Variants in ALDH1L2 observed in about 807,000 individuals in gnomAD.
ALDH1L2 encodes aldehyde dehydrogenase 1 family member L2.
In ALDH1L2, 91 loss-of-function variants were observed where a neutral mutation model predicts 111.0. The observed-to-expected ratio is 0.82, with a 90% confidence interval of 0.69 to 0.98. ALDH1L2 has a LOEUF of 0.98. ALDH1L2 is among the 50% of genes least tolerant of loss of function. The pLI is 0.00. For synonymous variants in ALDH1L2, 374 were observed against 392.6 expected (o/e 0.95, Z 0.56); for missense variants, 995 against 1,126.8 (o/e 0.88, Z 1.67).
intron 17 of ALDH1L2, 57 bp from the exon 18 acceptor site, chr12:105,038,259 CTCACACACACACACACACAA>C (rs1419796089): frequency 1.5e-6 from 1 of 672,722 alleles, no homozygotes; most frequent in Non-Finnish European, 2.4e-6. Context: ...CTCTCTCTCT[CTCACACACACACACACACAA>C]ACACACACAC....
intron 15 of ALDH1L2, among the ~76,000 whole-genome samples, chr12:105,041,170 A>G (rs1875510152): frequency 6.6e-6 from 1 of 152,246 alleles, no homozygotes; most frequent in Admixed American, 6.5e-5. Context: ...TATCCCAATA[A>G]TGTCTTACAG....
intron 4 of ALDH1L2, 112 bp downstream of exon 4, chr12:105,068,607 T>C: frequency 8.8e-7 from 1 of 1,139,880 alleles, no homozygotes; most frequent in Non-Finnish European, 1.1e-6. Context: ...TAATTTTGTT[T>C]TTAAACTTTA....
intron 21 of ALDH1L2, among the ~76,000 whole-genome samples, chr12:105,029,220 CAG>C (rs1321936545): frequency 3.3e-5 from 5 of 152,058 alleles, no homozygotes; most frequent in African/African-American, 1.2e-4. Flanking sequence ...TTTGTAGAGA[CAG>C]GGTCTTTGTT....
At chr12:105,066,511 C>A in intron 5 of ALDH1L2, 57 bp downstream of exon 5, 1 of 1,506,942 alleles carries the variant, frequency 6.6e-7, no homozygotes, top group Admixed American at 1.8e-5. Context: ...TGGGGAACTA[C>A]TGAAGGGTAG....
intron 6 of ALDH1L2, among the ~76,000 whole-genome samples, chr12:105,063,689 G>A (rs1465988532): frequency 1.3e-5 from 2 of 152,030 alleles, no homozygotes; most frequent in African/African-American, 4.8e-5. Context: ...TGTTGGGGGT[G>A]GGCGTCAATG....
intron 21 of ALDH1L2, among the ~76,000 whole-genome samples, chr12:105,027,127 G>T (rs1320744231): frequency 1.3e-5 from 2 of 152,230 alleles, no homozygotes; most frequent in Non-Finnish European, 2.9e-5. Flanking sequence ...CCCCAACCTT[G>T]CCCTTGCAAA....
chr12:105,024,315 T>C lies in ALDH1L2; in HGVS notation c.*109A>G. On this transcript the variant is annotated 3_prime_UTR_variant, in exon 23 of 23. Coordinates refer to ENST00000258494, the MANE Select transcript of ALDH1L2 (RefSeq NM_001034173.4). ...GCCCTCTTCATGGTCCATCTGTGTA[T>C]TTTTTGGTTTGTGGCTGACACCTCC... 1 of 1,245,298 alleles carries C rather than the reference T, an allele frequency of 8.0e-7. No homozygotes were observed. The highest frequency in any genetic ancestry group is 1.2e-6 in the Non-Finnish European group (1 of 855,606). The allele number at this position is 1,245,298 out of a possible 1,614,324, so 77.1% of individuals were successfully genotyped here. A position where few individuals can be genotyped will look rare whatever the true frequency, so the allele number is the denominator to read the frequency against.
intron 2 of ALDH1L2, among the ~76,000 whole-genome samples, chr12:105,071,695 C>T (rs1315571778): frequency 1.8e-4 from 19 of 105,028 alleles, no homozygotes; most frequent in Admixed American, 5.4e-4. Flanking sequence ...CTCGCTCTTT[C>T]GCCCAGGCCG....
intron 15 of ALDH1L2, among the ~76,000 whole-genome samples, chr12:105,044,754 A>G (rs905501359): frequency 3.3e-5 from 5 of 151,894 alleles, no homozygotes; most frequent in African/African-American, 1.2e-4. Context: ...TTATACTTAC[A>G]AGGTTTATAA....
intron 19 of ALDH1L2, among the ~76,000 whole-genome samples, chr12:105,033,311 T>A (rs529187054): frequency 9.2e-4 from 140 of 152,348 alleles, no homozygotes; most frequent in African/African-American, 3.3e-3. Context: ...TCCTTGACAT[T>A]TCTGGTCTCA....
intron 5 of ALDH1L2, 48 bp from the exon 6 acceptor site, chr12:105,065,404 C>G: frequency 6.6e-7 from 1 of 1,509,266 alleles, no homozygotes; most frequent in Admixed American, 1.7e-5. Flanking sequence ...CTGTGAACCT[C>G]AAAGGCAATA....
intron 15 of ALDH1L2, 108 bp from the exon 16 acceptor site, chr12:105,040,802 G>T (rs1470571808): frequency 1.1e-6 from 1 of 883,010 alleles, no homozygotes; most frequent in Non-Finnish European, 1.8e-6. Context: ...TATTTTTATT[G>T]TACATTGTCT....
Position 105,068,738 on chromosome 12 carries a change from G to A in ALDH1L2, c.575C>T (p.Pro192Leu). Residue 192 changes from proline (P) to leucine (L), a missense_variant, in exon 4 of 23, where the codon CCT becomes CTT. Physicochemically the swap from Pro to Leu is moderately conservative, Grantham distance 98. Transcript: ENST00000258494. ...ACTAACCATGGCCTTGATTCCTTCA[G>A]GAAAAAGAAACCGATTATAAAGTGC... Reference protein sequence around the residue: ...VDALYNRFLFPEGIKAMVEAV... With the variant: ...VDALYNRFLFLEGIKAMVEAV... 6.5e-7 allele frequency: 1 copy of A among 1,544,800 alleles called. No homozygotes were observed. The highest frequency in any genetic ancestry group is 8.7e-7 in the Non-Finnish European group (1 of 1,146,684).
At chr12:105,039,492 G>T (rs1229959326) in intron 17 of ALDH1L2, among the ~76,000 whole-genome samples, 1 of 152,194 alleles carries the variant, frequency 6.6e-6, no homozygotes, top group Non-Finnish European at 1.5e-5. Context: ...ACTACCAGTA[G>T]GGCACAGAAT....
intron 3 of ALDH1L2, among the ~76,000 whole-genome samples, chr12:105,069,479 A>G (rs1877556383): frequency 6.6e-6 from 1 of 152,234 alleles, no homozygotes; most frequent in Non-Finnish European, 1.5e-5. Flanking sequence ...TAAGAAATTG[A>G]CTGGCATTGC....
chr12:105,058,916 C>G (rs1034345654), intron 9 of ALDH1L2, among the ~76,000 whole-genome samples: 24 of 151,874 alleles, frequency 1.6e-4, no homozygotes, highest in African/African-American at 5.6e-4. Context: ...GCCAGACACT[C>G]AAACAGAAAA....
intron 8 of ALDH1L2, 127 bp from the exon 9 acceptor site, chr12:105,061,199 A>C: frequency 1.2e-6 from 1 of 806,720 alleles, no homozygotes. Context: ...CAGCTGGATC[A>C]CATTTCTCAG....
In ALDH1L2 at chr12:105,030,330, T is replaced by C; in HGVS notation, c.2510A>G (p.Gln837Arg). The change falls in exon 21 of 23, where the codon CAA (glutamine) becomes CGA (arginine). Residue 837 changes from glutamine to arginine, a missense_variant. Physicochemically the swap from Gln to Arg is conservative, Grantham distance 43. Coordinates refer to ENST00000258494, the MANE Select transcript of ALDH1L2 (RefSeq NM_001034173.4). Reference sequence around the variant, plus strand: ...TTGTGTCTGAAGAACCTACCCATTTTGGAATTTAGAAATGACCATAATAGG... The same window carrying C: ...TTGTGTCTGAAGAACCTACCCATTTCGGAATTTAGAAATGACCATAATAGG... ...FGPIMVISKFQNGDIDGVLQR... is the reference protein window; with the variant it reads ...FGPIMVISKFRNGDIDGVLQR... 6.2e-7 allele frequency: 1 copy of C among 1,608,562 alleles called. No individual in the cohort carries two copies. Among genetic ancestry groups the C allele is most frequent in the East Asian group, 2.2e-5 (1 of 44,790 alleles).
At chr12:105,042,543 T>G (rs1006281124) in intron 15 of ALDH1L2, among the ~76,000 whole-genome samples, 1 of 152,156 alleles carries the variant, frequency 6.6e-6, no homozygotes, top group South Asian at 2.1e-4. Context: ...TTAATTTGTT[T>G]TGTTTATATT....
Sources: allele counts gnomAD v4.1 joint callset (sites outside exome capture counted in the v4.1 genomes callset), GRCh38; gene constraint gnomAD v4.1.1; transcripts MANE v1.5; gene names NCBI Gene and HGNC (gene_info 2026-07-23, HGNC 2026-07-21).